Variants in PCYOX1L observed in about 807,000 individuals in gnomAD.
PCYOX1L encodes prenylcysteine oxidase 1 like.
Under a neutral mutation model 44.1 loss-of-function variants are expected in PCYOX1L, and 40 were observed. The observed-to-expected ratio is 0.91, with a 90% confidence interval of 0.70 to 1.18. The LOEUF (loss-of-function observed/expected upper bound fraction) is 1.18, where lower values mean the gene tolerates loss of function less well. Ranked by LOEUF, PCYOX1L falls within the 50% of genes most tolerant of loss-of-function variation. The pLI is 0.00. For synonymous variants in PCYOX1L, 266 were observed against 282.8 expected (o/e 0.94, Z 0.60); for missense variants, 605 against 653.3 (o/e 0.93, Z 0.81).
intron 1 of PCYOX1L, among the ~76,000 whole-genome samples, chr5:149,360,562 G>C (rs544654588): frequency 6.6e-6 from 1 of 152,270 alleles, no homozygotes; most frequent in South Asian, 2.1e-4. Flanking sequence ...CTCTCTCTCT[G>C]TCCTTAAATA....
At chr5:149,360,405 G>A (rs982409998) in intron 1 of PCYOX1L, among the ~76,000 whole-genome samples, 13 of 152,212 alleles carry the variant, frequency 8.5e-5, no homozygotes, top group African/African-American at 2.7e-4. Flanking sequence ...GAGGGGATGG[G>A]AGCACACTGG....
intron 1 of PCYOX1L, among the ~76,000 whole-genome samples, chr5:149,360,488 A>G (rs943798532): frequency 6.6e-6 from 1 of 152,234 alleles, no homozygotes; most frequent in African/African-American, 2.4e-5. Flanking sequence ...TATTCTTTCA[A>G]CACAGAAAAA....
In PCYOX1L at chr5:149,364,175, G is replaced by C; in HGVS notation, c.435G>C (p.Gln145His). ...ATGGCATCAGCTTCCTGAGGCTGCA[G>C]ATGTGGGTGGAGGAGGTCATGGAGA... ...WHYGISFLRL[Q>H]MWVEEVMEKF... The change falls in exon 3 of 6, where the codon CAG (glutamine) becomes CAC (histidine). Residue 145 changes from glutamine (Q) to histidine (H), a missense_variant. Gln to His is a conservative substitution (Grantham distance 24). Transcript: ENST00000274569. 1 of 1,614,172 alleles carries C rather than the reference G, an allele frequency of 6.2e-7. No homozygotes were observed. The highest frequency in any genetic ancestry group is 8.5e-7 in the Non-Finnish European group (1 of 1,180,036).
intron 3 of PCYOX1L, chr5:149,364,441 C>T: frequency 2.2e-6 from 1 of 463,194 alleles, no homozygotes; most frequent in Admixed American, 3.5e-5. Context: ...CCCTCTACTA[C>T]ACTGATACTA....
Position 149,360,204 on chromosome 5 carries a change from G to A in PCYOX1L, c.88+2048G>A, listed in dbSNP as rs538724861. Among the ~76,000 whole-genome samples, 4 of 152,330 alleles carry A rather than the reference G, an allele frequency of 2.6e-5. No homozygotes were observed. In the East Asian group the frequency reaches 7.7e-4, roughly 29 times the overall value. On this transcript the variant is annotated intron_variant, in intron 1 of 5. Transcript: ENST00000274569. ...GCCCATTCCATGCTGGGGTCCTGGG[G>A]GACAGAAGCCTGTTTGATTTTTCTT...
intron 1 of PCYOX1L, 78 bp downstream of exon 1, chr5:149,358,234 G>C (rs989227228): frequency 7.7e-7 from 1 of 1,297,590 alleles, no homozygotes; most frequent in African/African-American, 1.5e-5. Flanking sequence ...GCTAGGTGGG[G>C]TATAGGAGGG....
At chr5:149,367,253 A>G in intron 4 of PCYOX1L, 107 bp from the exon 5 acceptor site, 1 of 1,375,284 alleles carries the variant, frequency 7.3e-7, no homozygotes, top group Non-Finnish European at 9.8e-7. Flanking sequence ...CATGGTTGGG[A>G]GAGTTTTGCT....
In PCYOX1L at chr5:149,366,092, T is replaced by C; in HGVS notation, c.621T>C (p.Asp207=). 6.2e-7 allele frequency: 1 copy of C among 1,614,126 alleles called. No individual in the cohort carries two copies. Among genetic ancestry groups the C allele is most frequent in the Non-Finnish European group, 8.5e-7 (1 of 1,180,022 alleles). The change falls in exon 4 of 6, where the codon GAT becomes GAC. Residue 207 remains aspartate, a synonymous_variant. Coordinates refer to ENST00000274569, the MANE Select transcript of PCYOX1L (RefSeq NM_024028.4). ...QVGVTQRFID[D]VVSAVLRASY... is the part of the protein sequence containing the mutation. ...GCGTCACGCAGCGCTTTATTGATGA[T>C]GTCGTTTCTGCTGTCCTGCGGGCCA...
intron 4 of PCYOX1L, 138 bp downstream of exon 4, chr5:149,366,291 C>A (rs1758204352): frequency 2.3e-6 from 2 of 865,218 alleles, no homozygotes; most frequent in Non-Finnish European, 3.5e-6. Flanking sequence ...CCCATCCTGC[C>A]TGATTCTGGG....
At chr5:149,365,750 TC>T in intron 3 of PCYOX1L, 191 bp from the exon 4 acceptor site, 1 of 605,560 alleles carries the variant, frequency 1.7e-6, no homozygotes, top group South Asian at 2.0e-5. Context: ...ACCTTCACAC[TC>T]CCTTTAGGTG....
intron 1 of PCYOX1L, among the ~76,000 whole-genome samples, chr5:149,359,661 A>G (rs778876742): frequency 1.3e-5 from 2 of 152,210 alleles, no homozygotes; most frequent in African/African-American, 4.8e-5. Flanking sequence ...CACCCAGCAG[A>G]ATTGCTGCAT....
rs752116845 is a variant in PCYOX1L at position 149,368,534 on chromosome 5, C to G, written c.1365C>G (p.Ser455=). The G allele has an allele frequency of 1.2e-6, 2 of 1,608,406 alleles. No individual in the cohort carries two copies. Among genetic ancestry groups the G allele is most frequent in the Admixed American group, 1.7e-5 (1 of 59,094 alleles). ...YLNALEWAAS[S]VEVMAVAAKN... is the part of the protein sequence containing the mutation. Reference sequence around the variant, plus strand: ...ATGCCCTGGAGTGGGCGGCCAGCTCCGTGGAGGTGATGGCCGTGGCTGCCA... The same window carrying G: ...ATGCCCTGGAGTGGGCGGCCAGCTCGGTGGAGGTGATGGCCGTGGCTGCCA... Residue 455 remains serine (S), a synonymous_variant, in exon 6 of 6, where the codon TCC becomes TCG. Transcript: ENST00000274569.
At chr5:149,367,709 C>T (rs1486321084) in intron 5 of PCYOX1L, among the ~76,000 whole-genome samples, 2 of 152,238 alleles carry the variant, frequency 1.3e-5, no homozygotes, top group Non-Finnish European at 2.9e-5. Flanking sequence ...CTTCCATCGA[C>T]CCAGCCTTTT....
chr5:149,367,625 A>G (rs1758259827), intron 5 of PCYOX1L, 125 bp downstream of exon 5: 2 of 1,357,268 alleles, frequency 1.5e-6, no homozygotes, highest in Non-Finnish European at 9.8e-7. Flanking sequence ...AAAAGCATTG[A>G]GAAGCCCCAA....
rs548981193 is a variant in PCYOX1L at position 149,358,166 on chromosome 5, G to T, written c.88+10G>T. On this transcript the variant is annotated intron_variant, in intron 1 of 5. Coordinates refer to ENST00000274569, the MANE Select transcript of PCYOX1L (RefSeq NM_024028.4). ...CCGCCGGGCAAAATCGGTGCGGGAAGGACGCGGTGGGGTTCCCAGCTGGGG... is the reference window on the plus strand; with the variant it reads ...CCGCCGGGCAAAATCGGTGCGGGAATGACGCGGTGGGGTTCCCAGCTGGGG... The T allele has an allele frequency of 3.6e-5, 52 of 1,441,258 alleles. No homozygotes were observed. The African/African-American group carries it at 6.8e-4, about 19-fold the overall frequency. The allele number at this position is 1,441,258 out of a possible 1,614,324, so 89.3% of individuals were successfully genotyped here. A position where few individuals can be genotyped will look rare whatever the true frequency, so the allele number is the denominator to read the frequency against.
intron 1 of PCYOX1L, among the ~76,000 whole-genome samples, chr5:149,361,285 C>T (rs1048621150): frequency 2.6e-5 from 4 of 152,142 alleles, no homozygotes; most frequent in Non-Finnish European, 5.9e-5. Context: ...CCTGTAGTCT[C>T]AGCTACTTGG....
intron 1 of PCYOX1L, chr5:149,361,934 A>C (rs891175858): frequency 7.0e-6 from 1 of 142,462 alleles, no homozygotes; most frequent in African/African-American, 3.0e-5. Flanking sequence ...TGGCAGATAC[A>C]TTCCAGTCTT....
At position 149,363,997 on chromosome 5, in the gene PCYOX1L, C is replaced by T. The variant is rs1201553692; in HGVS notation, c.296-39C>T. 2.5e-6 allele frequency: 4 copies of T among 1,606,690 alleles called. No individual in the cohort carries two copies. The Admixed American group carries it at 5.0e-5, about 20-fold the overall frequency. Reference sequence around the variant, plus strand: ...CATTTGCATCAAGAGGGCCCCAAGTCTTGGAGGGGACCTGAGGGGCTCCTC... The same window carrying T: ...CATTTGCATCAAGAGGGCCCCAAGTTTTGGAGGGGACCTGAGGGGCTCCTC... On this transcript the variant is annotated intron_variant, in intron 2 of 5. Transcript: ENST00000274569.
intron 1 of PCYOX1L, 151 bp from the exon 2 acceptor site, chr5:149,362,486 C>A: frequency 2.7e-6 from 2 of 744,744 alleles, no homozygotes; most frequent in Non-Finnish European, 4.3e-6. Context: ...ACTGACAACT[C>A]AGTCCGCAGA....
Sources: allele counts gnomAD v4.1 joint callset (sites outside exome capture counted in the v4.1 genomes callset), GRCh38; gene constraint gnomAD v4.1.1; transcripts MANE v1.5; gene names NCBI Gene and HGNC (gene_info 2026-07-23, HGNC 2026-07-21).